The following KCNIP4 variants were observed in gnomAD, a reference collection of about 807,000 sequenced individuals.
KCNIP4 encodes the protein potassium voltage-gated channel interacting protein 4, also known as Kv channel-interacting protein 4.
A neutral mutation model predicts 34.0 loss-of-function variants in KCNIP4; 12 were observed. The observed-to-expected ratio is 0.35, with a 90% CI of 0.23 to 0.57. KCNIP4 has a LOEUF of 0.57. Among genes scored for constraint, KCNIP4 ranks in the 20% least tolerant of loss-of-function variants. The pLI is 0.83. For missense variants in KCNIP4, 238 were observed against 311.7 expected (o/e 0.76, Z 1.78); for synonymous variants, 124 against 102.2 (o/e 1.21, Z -1.29).
intron 1 of KCNIP4, among the ~76,000 whole-genome samples, chr4:21,413,693 A>G (rs908915189): frequency 1.3e-5 from 2 of 152,186 alleles, no homozygotes; most frequent in East Asian, 3.9e-4. Flanking sequence ...CACATTGCCC[A>G]GTTCTTTTAG....
intron 1 of KCNIP4, among the ~76,000 whole-genome samples, chr4:20,922,934 T>G (rs1050700222): frequency 6.6e-6 from 1 of 152,184 alleles, no homozygotes; most frequent in Admixed American, 6.5e-5. Context: ...ATACAGTTTT[T>G]TACAGTTTAT....
intron 3 of KCNIP4, among the ~76,000 whole-genome samples, chr4:20,823,152 C>T (rs919691793): frequency 6.6e-6 from 1 of 151,894 alleles, no homozygotes. Context: ...TTATGGTTTA[C>T]CCAGTCTAAA....
chr4:21,319,036 A>G (rs143835744), intron 1 of KCNIP4, among the ~76,000 whole-genome samples: 27 of 152,342 alleles, frequency 1.8e-4, no homozygotes, highest in African/African-American at 6.3e-4. Flanking sequence ...ACCTATCACG[A>G]CAATTTAAAG....
At chr4:21,211,976 T>A (rs1434355058) in intron 1 of KCNIP4, among the ~76,000 whole-genome samples, 1 of 152,112 alleles carries the variant, frequency 6.6e-6, no homozygotes, top group Non-Finnish European at 1.5e-5. Context: ...ACCCCCTTGA[T>A]AAAGACATGA....
chr4:21,857,839 G>T (rs1233282268), intron 1 of KCNIP4, among the ~76,000 whole-genome samples: 1 of 152,220 alleles, frequency 6.6e-6, no homozygotes, highest in Non-Finnish European at 1.5e-5. Flanking sequence ...AGGGAGAGAA[G>T]GGCAGTGGCC....
At chr4:21,391,821 T>G (rs985719751) in intron 1 of KCNIP4, among the ~76,000 whole-genome samples, 1 of 152,142 alleles carries the variant, frequency 6.6e-6, no homozygotes. Context: ...ACACATACTG[T>G]TCCTTAATTC....
intron 1 of KCNIP4, among the ~76,000 whole-genome samples, chr4:21,022,531 A>G (rs1285179291): frequency 1.3e-5 from 2 of 152,238 alleles, no homozygotes; most frequent in Non-Finnish European, 2.9e-5. Flanking sequence ...GTGCCTTTGC[A>G]CTGATTTTGT....
chr4:20,931,841 A>T (rs913253423), intron 1 of KCNIP4, among the ~76,000 whole-genome samples: 1 of 152,060 alleles, frequency 6.6e-6, no homozygotes, highest in Admixed American at 6.6e-5. Flanking sequence ...TAGGATGAAC[A>T]GGTCTAGAGG....
In KCNIP4 at chr4:21,528,739, G is replaced by GA. The variant is rs1218978796; in HGVS notation, c.61+419831dup. ...AGAAAGAAAGAAAGAAAGAAAGAAA[G>GA]AAAGAAAGAAAGAAAGAAAGAAAGA... On this transcript the variant is annotated intron_variant, in intron 1 of 8. Coordinates refer to ENST00000382152, the MANE Select transcript of KCNIP4 (RefSeq NM_025221.6). 2.1e-3 allele frequency among the ~76,000 whole-genome samples: 12 copies of GA among 5,716 alleles called. 1 individual carries two copies. Among genetic ancestry groups the GA allele is most frequent in the African/African-American group, 8.4e-3 (10 of 1,196 alleles). 3.7% of individuals were successfully genotyped at this position (5,716 alleles called of 152,430 possible). A position where few individuals can be genotyped will look rare whatever the true frequency, so the allele number is the denominator to read the frequency against.
chr4:21,817,026 G>A (rs1215940807), intron 1 of KCNIP4, among the ~76,000 whole-genome samples: 1 of 152,082 alleles, frequency 6.6e-6, no homozygotes, highest in Non-Finnish European at 1.5e-5. Context: ...TGACAGATGT[G>A]AGCTATTATT....
intron 1 of KCNIP4, among the ~76,000 whole-genome samples, chr4:21,148,720 G>A (rs540939521): frequency 1.3e-5 from 2 of 149,624 alleles, no homozygotes; most frequent in African/African-American, 4.9e-5. Context: ...ACAACATTAA[G>A]AAAGGCCAAG....
chr4:21,621,622 T>A (rs1745003054), intron 1 of KCNIP4, among the ~76,000 whole-genome samples: 1 of 152,016 alleles, frequency 6.6e-6, no homozygotes, highest in Non-Finnish European at 1.5e-5. Context: ...CCTCCCAAAG[T>A]GCTGGAATTA....
intron 1 of KCNIP4, among the ~76,000 whole-genome samples, chr4:21,735,638 G>A (rs540456013): frequency 3.9e-5 from 6 of 152,158 alleles, no homozygotes; most frequent in East Asian, 3.9e-4. Flanking sequence ...TGTTTTCTAC[G>A]AGAGTCTGTT....
At chr4:20,871,463 T>TAAA (rs574495284) in intron 2 of KCNIP4, among the ~76,000 whole-genome samples, 2 of 148,546 alleles carry the variant, frequency 1.3e-5, no homozygotes, top group African/African-American at 4.9e-5. Flanking sequence ...GGAATACATT[T>TAAA]AAAAAAAAAA....
rs138261352 is a variant in KCNIP4, at chr4:21,724,174, A to G, written c.61+224397T>C. On this transcript the variant is annotated intron_variant, in intron 1 of 8. Coordinates refer to ENST00000382152, the MANE Select transcript of KCNIP4 (RefSeq NM_025221.6). ...TTTATCAAACACAACTGGTCAAACTATCACAGAGCATAGACAATGAGGTGT... is the reference window on the plus strand; with the variant it reads ...TTTATCAAACACAACTGGTCAAACTGTCACAGAGCATAGACAATGAGGTGT... 2.7e-3 allele frequency among the ~76,000 whole-genome samples: 418 copies of G among 152,258 alleles called. 2 individuals are homozygous for G. Among genetic ancestry groups the G allele is most frequent in the African/African-American group, 9.2e-3 (384 of 41,560 alleles).
chr4:21,485,535 G>A lies in KCNIP4; in HGVS notation c.61+463036C>T, dbSNP rs16871159. 3.6e-3 allele frequency among the ~76,000 whole-genome samples: 552 copies of A among 152,146 alleles called. 5 individuals are homozygous for A. The highest frequency in any genetic ancestry group is 0.012 in the African/African-American group (511 of 41,502). On this transcript the variant is annotated intron_variant, in intron 1 of 8. Coordinates refer to ENST00000382152, the MANE Select transcript of KCNIP4 (RefSeq NM_025221.6). Reference sequence around the variant, plus strand: ...TCTTTAAATCATCTCACAATTTTACGCTCTGGCATATTCTGCCACTTCAGC... The same window carrying A: ...TCTTTAAATCATCTCACAATTTTACACTCTGGCATATTCTGCCACTTCAGC...
intron 1 of KCNIP4, among the ~76,000 whole-genome samples, chr4:21,815,078 T>C (rs550965476): frequency 1.3e-5 from 2 of 152,106 alleles, no homozygotes; most frequent in Non-Finnish European, 2.9e-5. Context: ...CTGTTATTAA[T>C]TCATTTGAAA....
chr4:20,891,719 G>A (rs1027011105), intron 1 of KCNIP4, among the ~76,000 whole-genome samples: 3 of 152,166 alleles, frequency 2.0e-5, no homozygotes, highest in Non-Finnish European at 4.4e-5. Flanking sequence ...TGGATGCTGG[G>A]AATAGGGAGT....
intron 3 of KCNIP4, among the ~76,000 whole-genome samples, chr4:20,808,760 G>C (rs955040853): frequency 1.3e-5 from 2 of 151,920 alleles, no homozygotes; most frequent in African/African-American, 4.8e-5. Context: ...CTATACTCTG[G>C]GTTCTATTAA....
Sources: allele counts gnomAD v4.1 joint callset (sites outside exome capture counted in the v4.1 genomes callset), GRCh38; gene constraint gnomAD v4.1.1; transcripts MANE v1.5; gene names NCBI Gene and HGNC (gene_info 2026-07-23, HGNC 2026-07-21).